The following LMAN2L variants were observed in gnomAD, a reference collection of about 807,000 sequenced individuals.
The protein encoded by LMAN2L is VIP36-like protein.
LMAN2L carries 30 observed loss-of-function variants against 44.3 expected under a neutral mutation model. The ratio of observed to expected loss-of-function variants is 0.68; its 90% confidence interval spans 0.51 to 0.92. LMAN2L has a LOEUF of 0.92. Among genes scored for constraint, LMAN2L ranks in the 40% least tolerant of loss-of-function variants. LMAN2L has a pLI of 0.00. For missense variants in LMAN2L, 429 were observed against 446.1 expected, an observed-to-expected ratio of 0.96 and a Z score of 0.35; for synonymous variants, 183 against 171.1, an observed-to-expected ratio of 1.07 and a Z score of -0.54.
At chr2:96,717,106 C>A (rs2153324399) in intron 4 of LMAN2L, among the ~76,000 whole-genome samples, 1 of 150,612 alleles carries the variant, frequency 6.6e-6, no homozygotes, top group South Asian at 2.1e-4. Context: ...TTTTTTTAAA[C>A]ACACACACAC....
chr2:96,707,631 G>A, intron 7 of LMAN2L, 83 bp downstream of exon 7: 2 of 1,526,774 alleles, frequency 1.3e-6, no homozygotes, highest in South Asian at 2.4e-5. Context: ...ACACAGAGCA[G>A]AGACCGCCCT....
rs2077919057 is a variant in LMAN2L at position 96,711,666 on chromosome 2, C to T, written c.774G>A (p.Gly258=). ...GYYFGTSSIT[G]DLSDNHDVIS... ...TGCGCGTGGCAGTACCTGAGAGATC[C>T]CCAGTGATGGAGGAGGTGCCGAAGT... Residue 258 remains glycine (G), a synonymous_variant, in exon 6 of 8, where the codon GGG becomes GGA. Transcript: ENST00000264963. 16 of 1,612,302 alleles carry T rather than the reference C, an allele frequency of 9.9e-6. No homozygotes were observed. Among genetic ancestry groups the T allele is most frequent in the Non-Finnish European group, 1.4e-5 (16 of 1,178,844 alleles).
rs761818627 is a variant in LMAN2L at position 96,737,937 on chromosome 2, A to G, written c.306+12T>C. 46 of 1,576,816 alleles carry G rather than the reference A, an allele frequency of 2.9e-5. No individual in the cohort carries two copies. In the Admixed American group the frequency reaches 5.7e-4, roughly 19 times the overall value. On this transcript the variant is annotated intron_variant, in intron 2 of 7. Transcript: ENST00000264963. ...TCTGGGTCACCAACACAGGAGGGAG[A>G]AAGATTCTTACCACCCGGTTCCACA...
chr2:96,728,313 A>T (rs551364103), intron 4 of LMAN2L, among the ~76,000 whole-genome samples: 70 of 151,826 alleles, frequency 4.6e-4, no homozygotes, highest in African/African-American at 1.5e-3. Context: ...CCTGGCCAAC[A>T]CGGTGAAAAC....
chr2:96,734,631 C>T, intron 2 of LMAN2L, 105 bp from the exon 3 acceptor site: 1 of 745,198 alleles, frequency 1.3e-6, no homozygotes, highest in Non-Finnish European at 2.4e-6. Context: ...GCAGGTAACA[C>T]TAGACTAAGG....
At chr2:96,726,395 A>G (rs1426840690) in intron 4 of LMAN2L, among the ~76,000 whole-genome samples, 1 of 152,016 alleles carries the variant, frequency 6.6e-6, no homozygotes. Flanking sequence ...CCTCCAGTAC[A>G]ACGTTAAACA....
rs369860931 is a variant in LMAN2L at position 96,738,098 on chromosome 2, T to C, written c.188-31A>G. Reference sequence around the variant, plus strand: ...GGAAGGAAGTAGATCAGTTCATACTTTTCAACACCAATCCATTCAGAAAGC... The same window carrying C: ...GGAAGGAAGTAGATCAGTTCATACTCTTCAACACCAATCCATTCAGAAAGC... On this transcript the variant is annotated intron_variant, in intron 1 of 7. Coordinates refer to ENST00000264963, the MANE Select transcript of LMAN2L (RefSeq NM_030805.4). 2.5e-5 allele frequency: 36 copies of C among 1,458,946 alleles called. No homozygotes were observed. In the African/African-American group the frequency reaches 4.3e-4, roughly 18 times the overall value. 90.4% of individuals were successfully genotyped at this position (1,458,946 alleles called of 1,614,324 possible). A position where few individuals can be genotyped will look rare whatever the true frequency, so the allele number is the denominator to read the frequency against.
intron 4 of LMAN2L, among the ~76,000 whole-genome samples, chr2:96,723,463 T>G (rs772393965): frequency 1.3e-5 from 2 of 152,260 alleles, no homozygotes; most frequent in Admixed American, 1.3e-4. Flanking sequence ...ATATATCTTT[T>G]CCCATTCTGT....
rs529005516 is a variant in LMAN2L at position 96,735,095 on chromosome 2, T to C, written c.307-569A>G. Among the ~76,000 whole-genome samples, 9 of 152,344 alleles carry C rather than the reference T, an allele frequency of 5.9e-5. No homozygotes were observed. The South Asian group carries it at 1.9e-3, about 32-fold the overall frequency. On this transcript the variant is annotated intron_variant, in intron 2 of 7. Coordinates refer to ENST00000264963, the MANE Select transcript of LMAN2L (RefSeq NM_030805.4). ...CAAGCTGAGGGGTAAGCCAGAATTC[T>C]CACAAGAAGAGCAAGTTACAGTCCC... is the stretch of plus-strand genomic sequence containing the variant.
intron 4 of LMAN2L, among the ~76,000 whole-genome samples, chr2:96,717,628 T>A: frequency 6.7e-6 from 1 of 149,720 alleles, no homozygotes. Flanking sequence ...TCACCTGAGG[T>A]CGGGAGTTCG....
chr2:96,723,498 T>C (rs1248362340), intron 4 of LMAN2L, among the ~76,000 whole-genome samples: 4 of 152,256 alleles, frequency 2.6e-5, no homozygotes, highest in African/African-American at 9.6e-5. Context: ...TCCTTGATGA[T>C]GTCCTATGAA....
intron 4 of LMAN2L, among the ~76,000 whole-genome samples, chr2:96,720,402 G>A (rs2078125710): frequency 6.6e-6 from 1 of 152,024 alleles, no homozygotes; most frequent in South Asian, 2.1e-4. Context: ...CCAACATCTG[G>A]GTAGGTTTGT....
At chr2:96,739,829 GACC>G (rs1403626174) in intron 1 of LMAN2L, 22 bp downstream of exon 1, 1 of 1,609,628 alleles carries the variant, frequency 6.2e-7, no homozygotes, top group African/African-American at 1.3e-5. Flanking sequence ...CCCACTGCAC[GACC>G]ACCTCACCCT....
chr2:96,716,485 T>A (rs547236769), intron 4 of LMAN2L, among the ~76,000 whole-genome samples: 3 of 152,214 alleles, frequency 2.0e-5, no homozygotes, highest in Non-Finnish European at 4.4e-5. Flanking sequence ...CCATTTGCTT[T>A]TGGGAACCCA....
At chr2:96,724,445 C>T (rs1201000904) in intron 4 of LMAN2L, among the ~76,000 whole-genome samples, 2 of 152,224 alleles carry the variant, frequency 1.3e-5, no homozygotes, top group Non-Finnish European at 2.9e-5. Context: ...TCTTCCAATC[C>T]ATGCCATAGA....
chr2:96,713,302 G>A (rs529608664), intron 4 of LMAN2L, among the ~76,000 whole-genome samples: 3 of 152,320 alleles, frequency 2.0e-5, no homozygotes, highest in South Asian at 4.1e-4. Flanking sequence ...AAGGGCATCC[G>A]TGAAGTCTTT....
At chr2:96,718,904 A>G (rs1201546196) in intron 4 of LMAN2L, among the ~76,000 whole-genome samples, 1 of 152,206 alleles carries the variant, frequency 6.6e-6, no homozygotes, top group Non-Finnish European at 1.5e-5. Context: ...AAACCTTCAT[A>G]TAATTGAATA....
intron 4 of LMAN2L, among the ~76,000 whole-genome samples, chr2:96,713,844 G>A (rs2077980701): frequency 2.0e-5 from 3 of 152,220 alleles, no homozygotes; most frequent in Admixed American, 6.5e-5. Context: ...TCAGGCGTGA[G>A]GGTATTAAGC....
chr2:96,724,012 T>C (rs527785260), intron 4 of LMAN2L, among the ~76,000 whole-genome samples: 3 of 150,726 alleles, frequency 2.0e-5, no homozygotes, highest in African/African-American at 7.3e-5. Flanking sequence ...GGCAGGAGAA[T>C]GGCGTGAACC....
Sources: allele counts gnomAD v4.1 joint callset (sites outside exome capture counted in the v4.1 genomes callset), GRCh38; gene constraint gnomAD v4.1.1; transcripts MANE v1.5; gene names NCBI Gene and HGNC (gene_info 2026-07-23, HGNC 2026-07-21).